Variants in INPP4B observed in about 807,000 individuals in gnomAD.
INPP4B encodes the protein inositol polyphosphate-4-phosphatase type II B.
Under a neutral mutation model 122.5 loss-of-function variants are expected in INPP4B, and 55 were observed. The observed-to-expected ratio is 0.45, with a 90% confidence interval of 0.36 to 0.56. The LOEUF is 0.56. INPP4B is among the 20% of genes least tolerant of loss of function. The pLI is 0.00. For synonymous variants in INPP4B, 403 were observed against 388.7 expected (o/e 1.04, Z -0.43); for missense variants, 1,000 against 1,097.7 (o/e 0.91, Z 1.26).
At chr4:142,159,878 A>C (rs1579116979) in intron 17 of INPP4B, among the ~76,000 whole-genome samples, 1 of 151,966 alleles carries the variant, frequency 6.6e-6, no homozygotes, top group African/African-American at 2.4e-5. Context: ...AGCATCTTAC[A>C]TTATAGAACC....
At chr4:142,277,326 G>GT (rs1561717415) in intron 9 of INPP4B, among the ~76,000 whole-genome samples, 1 of 151,426 alleles carries the variant, frequency 6.6e-6, no homozygotes, top group Non-Finnish European at 1.5e-5. Context: ...CTGTGCAGAA[G>GT]TTTTTTAGTT....
chr4:142,165,596 G>A (rs907497977), intron 16 of INPP4B, among the ~76,000 whole-genome samples: 1 of 151,692 alleles, frequency 6.6e-6, no homozygotes, highest in Non-Finnish European at 1.5e-5. Context: ...GTGATACCCA[G>A]TAATGTTCAA....
At chr4:142,254,855 G>T (rs975723410) in intron 11 of INPP4B, among the ~76,000 whole-genome samples, 4 of 151,968 alleles carry the variant, frequency 2.6e-5, no homozygotes, top group South Asian at 2.1e-4. Context: ...TACAGAGAAT[G>T]CCACAAAGAT....
intron 25 of INPP4B, among the ~76,000 whole-genome samples, chr4:142,059,921 A>G (rs577539287): frequency 6.6e-6 from 1 of 152,322 alleles, no homozygotes; most frequent in Admixed American, 6.5e-5. Flanking sequence ...CTTTGACAGC[A>G]TCGTGCTACT....
At chr4:142,425,227 A>G (rs1238916111) in intron 5 of INPP4B, 3 of 152,056 alleles carry the variant, frequency 2.0e-5, no homozygotes, top group African/African-American at 4.8e-5. Flanking sequence ...GCAGCATCCA[A>G]TCACCAGGCC....
intron 16 of INPP4B, among the ~76,000 whole-genome samples, chr4:142,163,797 T>C (rs1219275): frequency 0.71 from 107,785 of 151,602 alleles, 39,689 homozygotes; most frequent in Non-Finnish European, 0.79. Flanking sequence ...ACTGGGACGA[T>C]ACTAGGAAAG....
intron 1 of INPP4B, among the ~76,000 whole-genome samples, chr4:142,735,045 T>G (rs996691789): frequency 4.6e-5 from 7 of 152,196 alleles, no homozygotes; most frequent in Non-Finnish European, 8.8e-5. Context: ...GTGTGATCAT[T>G]GGAGAACCGA....
Position 142,494,241 on chromosome 4 carries a change from A to G in INPP4B, c.-190-31515T>C, listed in dbSNP as rs577658180. Among the ~76,000 whole-genome samples, 56 of 152,250 alleles carry G rather than the reference A, an allele frequency of 3.7e-4. No individual in the cohort carries two copies. The South Asian group carries it at 3.9e-3, about 11-fold the overall frequency. ...TAGCAGCATGAAAACAGACTAATAC[A>G]TGACTCTGAAGATTGCAATTTGCAC... On this transcript the variant is annotated intron_variant, in intron 2 of 25. Coordinates refer to ENST00000262992, the MANE Select transcript of INPP4B (RefSeq NM_001101669.3).
At chr4:142,542,980 A>G (rs1321914484) in intron 2 of INPP4B, among the ~76,000 whole-genome samples, 1 of 152,178 alleles carries the variant, frequency 6.6e-6, no homozygotes, top group Non-Finnish European at 1.5e-5. Flanking sequence ...AAAAAAATGT[A>G]TATGTATGCT....
intron 3 of INPP4B, among the ~76,000 whole-genome samples, chr4:142,439,841 T>G (rs1811307092): frequency 6.6e-6 from 1 of 152,156 alleles, no homozygotes; most frequent in Non-Finnish European, 1.5e-5. Flanking sequence ...CTCAGATACA[T>G]TCCTAATTGA....
At chr4:142,315,652 C>T (rs1767306466) in intron 7 of INPP4B, among the ~76,000 whole-genome samples, 1 of 151,104 alleles carries the variant, frequency 6.6e-6, no homozygotes, top group Non-Finnish European at 1.5e-5. Context: ...GTCATGATTA[C>T]CTTTCTTGCT....
chr4:142,278,146 G>A (rs1197195045), intron 9 of INPP4B, among the ~76,000 whole-genome samples: 3 of 151,886 alleles, frequency 2.0e-5, no homozygotes, highest in African/African-American at 7.3e-5. Flanking sequence ...CTACAGCATT[G>A]TGCACACTGA....
chr4:142,307,885 A>T (rs939474259), intron 8 of INPP4B, among the ~76,000 whole-genome samples: 4 of 152,294 alleles, frequency 2.6e-5, no homozygotes, highest in Admixed American at 6.5e-5. Flanking sequence ...CTGGCTACAC[A>T]TGTCATGAGA....
intron 25 of INPP4B, among the ~76,000 whole-genome samples, chr4:142,055,147 T>C (rs1756919811): frequency 6.6e-6 from 1 of 152,094 alleles, no homozygotes; most frequent in Non-Finnish European, 1.5e-5. Context: ...TCCAAAGTAA[T>C]ACTAACTATG....
At chr4:142,417,990 G>T (rs544781382) in intron 5 of INPP4B, among the ~76,000 whole-genome samples, 2 of 152,224 alleles carry the variant, frequency 1.3e-5, no homozygotes, top group East Asian at 3.9e-4. Flanking sequence ...CTTTGATGCT[G>T]TCATAACATA....
At chr4:142,442,872 T>C (rs757260109) in intron 3 of INPP4B, among the ~76,000 whole-genome samples, 1 of 152,108 alleles carries the variant, frequency 6.6e-6, no homozygotes, top group Non-Finnish European at 1.5e-5. Context: ...CTGGGGAGGC[T>C]TCACAATCAT....
intron 7 of INPP4B, among the ~76,000 whole-genome samples, chr4:142,325,959 C>G (rs1024447699): frequency 1.3e-5 from 2 of 152,170 alleles, no homozygotes; most frequent in African/African-American, 4.8e-5. Context: ...GCAACAATAT[C>G]TGTAGACATC....
intron 1 of INPP4B, among the ~76,000 whole-genome samples, chr4:142,785,173 G>C (rs976081121): frequency 6.6e-6 from 1 of 151,972 alleles, no homozygotes; most frequent in Non-Finnish European, 1.5e-5. Context: ...TTAAGCCTCT[G>C]GTACCTATAG....
intron 2 of INPP4B, among the ~76,000 whole-genome samples, chr4:142,662,737 G>A (rs1188057807): frequency 6.6e-6 from 1 of 152,194 alleles, no homozygotes; most frequent in Non-Finnish European, 1.5e-5. Flanking sequence ...AAATATTCAT[G>A]TTGGACTCAA....
Sources: gnomAD v4.1 joint callset for allele counts (sites outside exome capture counted in the v4.1 genomes callset) on GRCh38, gnomAD v4.1.1 for gene constraint, MANE v1.5 for transcripts, NCBI Gene and HGNC (gene_info 2026-07-23, HGNC 2026-07-21) for gene names.